The following ZBTB20 variants were observed in gnomAD, a reference collection of about 807,000 sequenced individuals.
ZBTB20 encodes the protein zinc finger and BTB domain containing 20.
ZBTB20 carries 9 observed loss-of-function variants against 56.9 expected under a neutral mutation model. That is an observed-to-expected ratio of 0.16 (90% CI 0.10 to 0.28). The LOEUF is 0.28. Among genes scored for constraint, ZBTB20 ranks in the 10% least tolerant of loss-of-function variants. ZBTB20 has a pLI of 1.00. For synonymous variants in ZBTB20, 417 were observed against 420.7 expected, an observed-to-expected ratio of 0.99 and a Z score of 0.11; for missense variants, 655 against 1,003.0, an observed-to-expected ratio of 0.65 and a Z score of 4.69.
chr3:114,812,934 G>T (rs2072655157), intron 4 of ZBTB20, among the ~76,000 whole-genome samples: 1 of 151,396 alleles, frequency 6.6e-6, no homozygotes, highest in Non-Finnish European at 1.5e-5. Flanking sequence ...GGTGGGGCAG[G>T]CCGGCCGCTC....
chr3:114,396,148 G>A (rs984800822), intron 7 of ZBTB20, among the ~76,000 whole-genome samples: 2 of 152,128 alleles, frequency 1.3e-5, no homozygotes, highest in African/African-American at 4.8e-5. Context: ...TAATAAGATC[G>A]TTTTAAACTT....
chr3:114,578,486 TCAAAATAAATC>T (rs1222737931), intron 6 of ZBTB20, among the ~76,000 whole-genome samples: 1 of 151,780 alleles, frequency 6.6e-6, no homozygotes, highest in East Asian at 1.9e-4. Flanking sequence ...GACTAATAAT[TCAAAATAAATC>T]CACGTCCAGA....
chr3:114,564,213 T>C (rs116195817), intron 6 of ZBTB20, among the ~76,000 whole-genome samples: 353 of 152,204 alleles, frequency 2.3e-3, no homozygotes, highest in African/African-American at 7.9e-3. Flanking sequence ...CTTATAATCA[T>C]ATTAGGCCTA....
intron 4 of ZBTB20, among the ~76,000 whole-genome samples, chr3:114,886,145 G>C (rs1241632458): frequency 2.6e-5 from 4 of 152,216 alleles, no homozygotes; most frequent in Non-Finnish European, 4.4e-5. Context: ...ATTTCCTGCA[G>C]TTTGAGAATC....
At chr3:114,535,957 C>G (rs142431838) in intron 6 of ZBTB20, among the ~76,000 whole-genome samples, 1 of 152,264 alleles carries the variant, frequency 6.6e-6, no homozygotes, top group African/African-American at 2.4e-5. Flanking sequence ...CCGCTTTATG[C>G]TAAAATCTCT....
intron 5 of ZBTB20, among the ~76,000 whole-genome samples, chr3:114,783,200 T>C (rs993055223): frequency 1.2e-4 from 19 of 152,324 alleles, no homozygotes; most frequent in African/African-American, 3.6e-4. Context: ...CTACATGTTA[T>C]GGAAATATGT....
At chr3:115,107,908 T>C (rs2083769125) in intron 1 of ZBTB20, among the ~76,000 whole-genome samples, 1 of 152,186 alleles carries the variant, frequency 6.6e-6, no homozygotes, top group African/African-American at 2.4e-5. Flanking sequence ...ACACTGCATG[T>C]TCTCACTCAT....
At chr3:115,001,988 G>C (rs2079270104) in intron 2 of ZBTB20, among the ~76,000 whole-genome samples, 1 of 151,298 alleles carries the variant, frequency 6.6e-6, no homozygotes, top group Non-Finnish European at 1.5e-5. Context: ...CAACCCCAAG[G>C]CTTACTATAT....
chr3:115,112,367 T>C (rs1443586975), intron 1 of ZBTB20, among the ~76,000 whole-genome samples: 2 of 152,134 alleles, frequency 1.3e-5, no homozygotes, highest in Non-Finnish European at 2.9e-5. Flanking sequence ...ATATTTTTAT[T>C]AACTACAGTC....
At chr3:114,759,488 A>G (rs1176233074) in intron 5 of ZBTB20, among the ~76,000 whole-genome samples, 2 of 152,168 alleles carry the variant, frequency 1.3e-5, no homozygotes, top group Non-Finnish European at 2.9e-5. Flanking sequence ...TGGTGCCAAC[A>G]CAGTCATTGG....
intron 1 of ZBTB20, among the ~76,000 whole-genome samples, chr3:115,078,613 G>GTGTGTATATATA (rs769630983): frequency 1.9e-4 from 26 of 137,820 alleles, no homozygotes; most frequent in South Asian, 4.8e-4. Flanking sequence ...GTGTGTGTGT[G>GTGTGTATATATA]TATATATATA....
chr3:114,652,110 C>A (rs1252513697), intron 6 of ZBTB20, among the ~76,000 whole-genome samples: 3 of 151,780 alleles, frequency 2.0e-5, no homozygotes, highest in Non-Finnish European at 4.4e-5. Context: ...ATTTATACAC[C>A]TATGTATAAA....
At chr3:114,684,475 T>A (rs149357785) in intron 6 of ZBTB20, 1 of 152,208 alleles carries the variant, frequency 6.6e-6, no homozygotes, top group African/African-American at 2.4e-5. Context: ...TGTATGAAGC[T>A]TGAGGTCTTT....
chr3:114,873,391 T>C (rs2076077838), intron 4 of ZBTB20, among the ~76,000 whole-genome samples: 1 of 152,196 alleles, frequency 6.6e-6, no homozygotes, highest in African/African-American at 2.4e-5. Flanking sequence ...AAACTGGTCA[T>C]ATTTAGTTAG....
At chr3:114,833,795 G>A (rs1425196500) in intron 4 of ZBTB20, among the ~76,000 whole-genome samples, 4 of 150,620 alleles carry the variant, frequency 2.7e-5, no homozygotes, top group Non-Finnish European at 5.9e-5. Flanking sequence ...GGTCTCCCAA[G>A]TACTGTGATT....
At chr3:114,866,029 T>C (rs1300589922) in intron 4 of ZBTB20, among the ~76,000 whole-genome samples, 3 of 152,198 alleles carry the variant, frequency 2.0e-5, no homozygotes, top group African/African-American at 7.2e-5. Context: ...AGGAATTAAA[T>C]GCATAATTTT....
intron 7 of ZBTB20, among the ~76,000 whole-genome samples, chr3:114,417,678 C>T (rs1375638757): frequency 6.6e-6 from 1 of 151,938 alleles, no homozygotes; most frequent in Non-Finnish European, 1.5e-5. Flanking sequence ...GTGATCAGGA[C>T]AGCCTTATGG....
intron 4 of ZBTB20, among the ~76,000 whole-genome samples, chr3:114,811,373 T>C (rs1212419414): frequency 1.3e-5 from 2 of 152,206 alleles, no homozygotes; most frequent in African/African-American, 2.4e-5. Flanking sequence ...TTCCTTTACA[T>C]GATGATCCAC....
intron 3 of ZBTB20, among the ~76,000 whole-genome samples, chr3:114,937,498 T>G: frequency 6.6e-6 from 1 of 151,924 alleles, no homozygotes; most frequent in East Asian, 1.9e-4. Context: ...CTCGGCTCAC[T>G]GCAACCTCCG....
Sources: gnomAD v4.1 joint callset for allele counts (sites outside exome capture counted in the v4.1 genomes callset) on GRCh38, gnomAD v4.1.1 for gene constraint, MANE v1.5 for transcripts, NCBI Gene and HGNC (gene_info 2026-07-23, HGNC 2026-07-21) for gene names.